Variants in NTRK2 observed in about 807,000 individuals in gnomAD.
The protein encoded by NTRK2 is neurotrophic receptor tyrosine kinase 2.
In NTRK2, 13 loss-of-function variants were observed where a neutral mutation model predicts 94.5. The ratio of observed to expected loss-of-function variants is 0.14; its 90% CI spans 0.09 to 0.22. The LOEUF (loss-of-function observed/expected upper bound fraction) is 0.22. Ranked by LOEUF, NTRK2 falls within the 10% of genes least tolerant of loss-of-function variation. The pLI, the probability that NTRK2 is intolerant of heterozygous loss-of-function variation, is 1.00. For missense variants in NTRK2, 639 were observed against 1,071.2 expected, an observed-to-expected ratio of 0.60 and a Z score of 5.63; for synonymous variants, 372 against 407.4, an observed-to-expected ratio of 0.91 and a Z score of 1.05.
chr9:84,829,582 G>T (rs1345174266), intron 12 of NTRK2, among the ~76,000 whole-genome samples: 1 of 152,144 alleles, frequency 6.6e-6, no homozygotes, highest in African/African-American at 2.4e-5. Flanking sequence ...TGTTCTGTCT[G>T]TTGGCCTCTT....
chr9:84,979,545 G>C (rs1827320691), intron 17 of NTRK2, among the ~76,000 whole-genome samples: 1 of 152,154 alleles, frequency 6.6e-6, no homozygotes, highest in African/African-American at 2.4e-5. Context: ...TCCTGGTGAA[G>C]GTGTTGTAAA....
chr9:84,860,972 C>G lies in NTRK2; in HGVS notation c.1397-68C>G. 3 of 1,104,180 alleles carry G rather than the reference C, an allele frequency of 2.7e-6. No individual in the cohort carries two copies. The South Asian group carries it at 3.9e-5, about 14-fold the overall frequency. 68.4% of individuals were successfully genotyped at this position (1,104,180 alleles called of 1,614,324 possible). A position where few individuals can be genotyped will look rare whatever the true frequency, so the allele number is the denominator to read the frequency against. On this transcript the variant is annotated intron_variant, in intron 12 of 18. Coordinates refer to ENST00000277120, the MANE Select transcript of NTRK2 (RefSeq NM_006180.6). The stretch of plus-strand genomic sequence containing the variant: ...GTTTGTTGCATTATTTGACCAAGGA[C>G]AGTGTTGACCACCTCCGGTTTCTAC...
In NTRK2 at chr9:84,723,660, C is replaced by A; in HGVS notation, c.671C>A (p.Pro224Gln). Residue 224 changes from proline (P) to glutamine (Q), a missense_variant, in exon 7 of 19, where the codon CCG becomes CAG. Coordinates refer to ENST00000277120, the MANE Select transcript of NTRK2 (RefSeq NM_006180.6). ...TTATCCTGTAGTGTGGCAGGTGATC[C>A]GGTTCCTAATATGTATTGGGATGTT... ...ITLSCSVAGDPVPNMYWDVGN... is the reference protein window; with the variant it reads ...ITLSCSVAGDQVPNMYWDVGN... 1 of 1,614,016 alleles carries A rather than the reference C, an allele frequency of 6.2e-7. No homozygotes were observed. The highest frequency in any genetic ancestry group is 8.5e-7 in the Non-Finnish European group (1 of 1,179,932).
intron 14 of NTRK2, among the ~76,000 whole-genome samples, chr9:84,888,527 C>T (rs928109748): frequency 2.1e-5 from 3 of 142,074 alleles, no homozygotes; most frequent in Non-Finnish European, 3.0e-5. Context: ...GCAGGAGAAT[C>T]GCTTGAACCC....
rs1832990696 is a variant in NTRK2, at chr9:85,025,538, A to G, written c.*4101A>G. The G allele has an allele frequency of 4.3e-6, 1 of 233,148 alleles. No individual in the cohort carries two copies. The highest frequency in any genetic ancestry group is 5.6e-5 in the Admixed American group (1 of 17,778). 14.4% of individuals were successfully genotyped at this position (233,148 alleles called of 1,614,324 possible). A position where few individuals can be genotyped will look rare whatever the true frequency, so the allele number is the denominator to read the frequency against. ...GCTGTCCTTTTCAAAGCGTCCTAAC[A>G]GCAGGATTACCTGGTCAAGTATGGA... is the stretch of plus-strand genomic sequence containing the variant. On this transcript the variant is annotated 3_prime_UTR_variant, in exon 19 of 19. Transcript: ENST00000277120.
intron 12 of NTRK2, among the ~76,000 whole-genome samples, chr9:84,768,581 C>T (rs1347015131): frequency 6.6e-6 from 1 of 152,134 alleles, no homozygotes; most frequent in Non-Finnish European, 1.5e-5. Flanking sequence ...GGTGCAAAAA[C>T]TTAAGGTGCC....
chr9:84,735,158 G>C lies in NTRK2; in HGVS notation c.1160-6734G>C, dbSNP rs142404028. 5.1e-4 allele frequency among the ~76,000 whole-genome samples: 77 copies of C among 152,180 alleles called. 2 individuals carry two copies. Among genetic ancestry groups the C allele is most frequent in the Admixed American group, 3.7e-3 (57 of 15,294 alleles). On this transcript the variant is annotated intron_variant, in intron 9 of 18. Coordinates refer to ENST00000277120, the MANE Select transcript of NTRK2 (RefSeq NM_006180.6). Reference sequence around the variant, plus strand: ...CCTTGAGGCTGGGAGTTCCAGGCCAGTCTGGTCAACAAAGTGAGACCCCGT... The same window carrying C: ...CCTTGAGGCTGGGAGTTCCAGGCCACTCTGGTCAACAAAGTGAGACCCCGT...
chr9:84,858,932 C>T (rs929266259), intron 12 of NTRK2, among the ~76,000 whole-genome samples: 2 of 152,118 alleles, frequency 1.3e-5, no homozygotes, highest in Non-Finnish European at 2.9e-5. Context: ...TCAGTGACCA[C>T]GAGCTGAAAG....
intron 9 of NTRK2, among the ~76,000 whole-genome samples, chr9:84,730,804 A>AAAAAAAAAAAAAAC (rs2062832234): frequency 6.8e-6 from 1 of 147,932 alleles, no homozygotes; most frequent in Non-Finnish European, 1.5e-5. Flanking sequence ...AAAAAAAAAA[A>AAAAAAAAAAAAAAC]AAAATCCCTG....
At chr9:84,801,236 G>T (rs1287037405) in intron 12 of NTRK2, among the ~76,000 whole-genome samples, 1 of 152,226 alleles carries the variant, frequency 6.6e-6, no homozygotes, top group African/African-American at 2.4e-5. Flanking sequence ...GCTCAGGAGG[G>T]AAAGGGATAG....
At position 84,707,900 on chromosome 9, in the gene NTRK2, A is replaced by G. The variant is rs1371806545; in HGVS notation, c.416A>G (p.Asp139Gly). ...SLSRKHFRHL[D>G]LSELILVGNP... ...TCTAGGAAACATTTCCGTCACCTTG[A>G]CTTGTCTGAACTGTAAGTAATGATT... Residue 139 changes from aspartate to glycine, a missense_variant, in exon 5 of 19, where the codon GAC becomes GGC. Transcript: ENST00000277120. 1.2e-6 allele frequency: 2 copies of G among 1,612,346 alleles called. No individual in the cohort carries two copies. The highest frequency in any genetic ancestry group is 1.7e-6 in the Non-Finnish European group (2 of 1,178,872).
At chr9:84,844,883 A>C (rs2074386821) in intron 12 of NTRK2, among the ~76,000 whole-genome samples, 1 of 151,306 alleles carries the variant, frequency 6.6e-6, no homozygotes, top group South Asian at 2.1e-4. Flanking sequence ...TACTCCAAAA[A>C]CTATTAAAAT....
intron 14 of NTRK2, among the ~76,000 whole-genome samples, chr9:84,926,840 T>C (rs1456447219): frequency 6.6e-6 from 1 of 152,270 alleles, no homozygotes; most frequent in Admixed American, 6.5e-5. Context: ...TTCTTGAGTA[T>C]GCCCATAGGT....
At chr9:84,874,905 A>T in intron 14 of NTRK2, 1 of 1,056,622 alleles carries the variant, frequency 9.5e-7, no homozygotes, top group African/African-American at 1.6e-5. Context: ...TATAGGCCCA[A>T]TGATTTTTGC....
At chr9:84,713,025 C>A (rs1303061923) in intron 6 of NTRK2, among the ~76,000 whole-genome samples, 1 of 152,114 alleles carries the variant, frequency 6.6e-6, no homozygotes, top group Non-Finnish European at 1.5e-5. Flanking sequence ...ATGTGGTTTG[C>A]ACATGAAAAA....
intron 12 of NTRK2, among the ~76,000 whole-genome samples, chr9:84,766,705 A>G (rs1254640652): frequency 1.3e-5 from 2 of 151,832 alleles, no homozygotes; most frequent in Non-Finnish European, 2.9e-5. Context: ...ACACATACAC[A>G]CAACATACAC....
intron 15 of NTRK2, among the ~76,000 whole-genome samples, chr9:84,937,165 A>AT (rs1167972028): frequency 1.3e-5 from 2 of 152,120 alleles, no homozygotes; most frequent in African/African-American, 2.4e-5. Flanking sequence ...CAATGAAGGG[A>AT]TTTTTTAAAG....
intron 17 of NTRK2, among the ~76,000 whole-genome samples, chr9:84,961,224 T>C (rs1382260518): frequency 1.3e-5 from 2 of 152,244 alleles, no homozygotes. Context: ...AGGGATGTCC[T>C]CTGTGTCATT....
chr9:84,813,247 G>A, intron 12 of NTRK2: 1 of 1,048,058 alleles, frequency 9.5e-7, no homozygotes, highest in Non-Finnish European at 1.2e-6. Context: ...AGGGGCCACT[G>A]TCCCCAGCCG....
Sources: gnomAD v4.1 joint callset for allele counts (sites outside exome capture counted in the v4.1 genomes callset) on GRCh38, gnomAD v4.1.1 for gene constraint, MANE v1.5 for transcripts, NCBI Gene and HGNC (gene_info 2026-07-23, HGNC 2026-07-21) for gene names.